The following AIRE variants were observed in gnomAD, a reference collection of about 807,000 sequenced individuals.
The protein encoded by AIRE is autoimmune regulator.
In AIRE, 52 loss-of-function variants were observed where a neutral mutation model predicts 62.1. The ratio of observed to expected loss-of-function variants is 0.84; its 90% CI spans 0.67 to 1.06. The LOEUF (loss-of-function observed/expected upper bound fraction) is 1.06. Ranked by LOEUF, AIRE falls within the 50% of genes least tolerant of loss-of-function variation. AIRE has a pLI of 0.00. For missense variants in AIRE, 774 were observed against 755.8 expected (o/e 1.02, Z -0.28); for synonymous variants, 342 against 321.6 (o/e 1.06, Z -0.68).
At chr21:44,296,262 G>GA (rs1444765965) in intron 12 of AIRE, 121 bp from the exon 13 acceptor site, 6 of 935,014 alleles carry the variant, frequency 6.4e-6, no homozygotes, top group Non-Finnish European at 1.1e-5. Flanking sequence ...GTGGAGCTGG[G>GA]TGTAAGAATT....
chr21:44,287,006 G>A lies in AIRE; in HGVS notation c.336G>A (p.Gly112=). 6.2e-7 allele frequency: 1 copy of A among 1,612,780 alleles called. No homozygotes were observed. Among genetic ancestry groups the A allele is most frequent in the Non-Finnish European group, 8.5e-7 (1 of 1,179,984 alleles). The part of the protein sequence containing the change: ...KDVDLSQPRK[G]RKPPAVPKAL... The stretch of plus-strand genomic sequence containing the variant: ...TGGACCTCAGCCAGCCCCGGAAGGG[G>A]AGGAAGCCCCCGGCCGTCCCCAAGG... The change falls in exon 3 of 14, where the codon GGG becomes GGA. Residue 112 remains glycine, a synonymous_variant. Transcript: ENST00000291582. The surrounding 1 kb of genome is among the most constrained non-coding windows in gnomAD (Gnocchi z 4.3).
In AIRE at chr21:44,286,581, G is replaced by T. The variant is rs1057516272; in HGVS notation, c.157G>T (p.Glu53Ter). 1 of 1,611,172 alleles carries T rather than the reference G, an allele frequency of 6.2e-7. No homozygotes were observed. Among genetic ancestry groups the T allele is most frequent in the Non-Finnish European group, 8.5e-7 (1 of 1,179,034 alleles). ...FQETLHLKEKEGCPQAFHALL... is the reference protein window; with the variant it reads ...FQETLHLKEK The stretch of plus-strand genomic sequence containing the variant: ...GGAGACGCTTCATCTGAAGGAAAAG[G>T]AGGGCTGCCCCCAGGCCTTCCACGC... The change falls in exon 2 of 14, where the codon GAG becomes TAG. Residue 53 changes from glutamate to a stop codon, truncating the protein, a stop_gained. Coordinates refer to ENST00000291582, the MANE Select transcript of AIRE (RefSeq NM_000383.4). LOFTEE classifies it high-confidence loss of function. The surrounding 1 kb of genome is among the most constrained non-coding windows in gnomAD (Gnocchi z 6.0).
At chr21:44,296,999 G>A (rs1196142194) in intron 13 of AIRE, among the ~76,000 whole-genome samples, 1 of 152,252 alleles carries the variant, frequency 6.6e-6, no homozygotes, top group Non-Finnish European at 1.5e-5. Flanking sequence ...TCTCCTCAGT[G>A]TCTGATGTGG....
rs1011914481 is a variant in AIRE, at chr21:44,297,135, C to A, written c.1567-521C>A. 6.6e-6 allele frequency among the ~76,000 whole-genome samples: 1 copy of A among 152,296 alleles called. No homozygotes were observed. The highest frequency in any genetic ancestry group is 3.4e-3 in the Middle Eastern group (1 of 294). ...CCTGAGAGTGGGCCAGGGGGCCCAGCGCTGGGTAATGGAGCTGCCCCTCTG... is the reference window on the plus strand; with the variant it reads ...CCTGAGAGTGGGCCAGGGGGCCCAGAGCTGGGTAATGGAGCTGCCCCTCTG... On this transcript the variant is annotated intron_variant, in intron 13 of 13. Transcript: ENST00000291582. This position sits in a 1 kb window ranked among gnomAD's most constrained non-coding sequence, Gnocchi z 4.8.
In AIRE at chr21:44,297,614, G is replaced by A. The variant is rs3746966; in HGVS notation, c.1567-42G>A. 2.9e-4 allele frequency: 449 copies of A among 1,523,672 alleles called. 6 individuals are homozygous for A. In the East Asian group the frequency reaches 9.3e-3, roughly 32 times the overall value. 94.4% of individuals were successfully genotyped at this position (1,523,672 alleles called of 1,614,324 possible). A position where few individuals can be genotyped will look rare whatever the true frequency, so the allele number is the denominator to read the frequency against. ...ATGGCCATGATTCTGTGGCTGCGGC[G>A]GGGGCGCACCTGGAGGTTCTCACCG... On this transcript the variant is annotated intron_variant, in intron 13 of 13. Transcript: ENST00000291582. The surrounding 1 kb of genome is among the most constrained non-coding windows in gnomAD (Gnocchi z 4.8).
In AIRE at chr21:44,295,991, C is replaced by T. The variant is rs116482131; in HGVS notation, c.1504-392C>T. ...CCTGGGGACCTTCTCCCACTCTGGT[C>T]GCTCACCTATAGTGTGGGCTGGCCC... is the stretch of plus-strand genomic sequence containing the variant. On this transcript the variant is annotated intron_variant, in intron 12 of 13. Transcript: ENST00000291582. 8.6e-3 allele frequency among the ~76,000 whole-genome samples: 1,307 copies of T among 152,282 alleles called. 22 individuals carry two copies. The highest frequency in any genetic ancestry group is 0.029 in the African/African-American group (1,221 of 41,542).
Position 44,286,146 on chromosome 21 carries a change from C to T in AIRE, c.132+8C>T. The T allele has an allele frequency of 6.5e-7, 1 of 1,544,470 alleles. No homozygotes were observed. The highest frequency in any genetic ancestry group is 8.7e-7 in the Non-Finnish European group (1 of 1,145,420). On this transcript the variant is annotated splice_region_variant and intron_variant, in intron 1 of 13. Coordinates refer to ENST00000291582, the MANE Select transcript of AIRE (RefSeq NM_000383.4). The surrounding 1 kb of genome is among the most constrained non-coding windows in gnomAD (Gnocchi z 6.0). ...CCCGAGGACAAGTTTCAGGTGGGCT[C>T]CCCGCCCGCCCCCCGCTGCCCCCAG...
chr21:44,290,167 C>A, intron 7 of AIRE, 99 bp downstream of exon 7: 1 of 1,540,212 alleles, frequency 6.5e-7, no homozygotes, highest in South Asian at 1.2e-5. Context: ...GGGATGAGCA[C>A]CGGGGCCTGA....
At position 44,291,634 on chromosome 21, in the gene AIRE, C is replaced by T. The variant is rs534788373; in HGVS notation, c.995+424C>T. Among the ~76,000 whole-genome samples the T allele has an allele frequency of 1.1e-4, 17 of 152,252 alleles. No individual in the cohort carries two copies. In the East Asian group the frequency reaches 3.3e-3, roughly 29 times the overall value. The stretch of plus-strand genomic sequence containing the variant: ...GCAGGTGGGAGTTTGTCCACCAATG[C>T]ACAGGACGCCGGGCTTAGTGGGGGC... On this transcript the variant is annotated intron_variant, in intron 8 of 13. Coordinates refer to ENST00000291582, the MANE Select transcript of AIRE (RefSeq NM_000383.4).
Position 44,291,851 on chromosome 21 carries a change from C to T in AIRE, c.996-451C>T, listed in dbSNP as rs565329107. Among the ~76,000 whole-genome samples the T allele has an allele frequency of 1.3e-3, 193 of 152,282 alleles. 1 individual carries two copies. Among genetic ancestry groups the T allele is most frequent in the African/African-American group, 4.6e-3 (190 of 41,558 alleles). On this transcript the variant is annotated intron_variant, in intron 8 of 13. Transcript: ENST00000291582. ...CATCAGGCCCCCTCTCAGCCTTGTG[C>T]CTCATCACTAGAATAAGGGGCACAG...
intron 5 of AIRE, chr21:44,289,349 GT>G (rs954994685): frequency 2.8e-5 from 12 of 428,610 alleles, no homozygotes; most frequent in Non-Finnish European, 5.1e-5. Flanking sequence ...AAGGACACCA[GT>G]CATTGAACTT....
chr21:44,285,921 C>T lies in AIRE; in HGVS notation c.-86C>T, dbSNP rs988554145. 5.0e-5 allele frequency: 69 copies of T among 1,374,702 alleles called. No homozygotes were observed. In the East Asian group the frequency reaches 1.8e-3, roughly 37 times the overall value. The allele number at this position is 1,374,702 out of a possible 1,614,324, so 85.2% of individuals were successfully genotyped here. A position where few individuals can be genotyped will look rare whatever the true frequency, so the allele number is the denominator to read the frequency against. On this transcript the variant is annotated 5_prime_UTR_variant, in exon 1 of 14. Coordinates refer to ENST00000291582, the MANE Select transcript of AIRE (RefSeq NM_000383.4). ...AGCCGGCGCGGAGGCCCCACAGCCC[C>T]GCCGGGACCCGAGGCCAAGCGAGGG...
In AIRE at chr21:44,293,724, C is replaced by A. The variant is rs561345329; in HGVS notation, c.1279-65C>A. ...GTCCCAGGGGAGAGCGCACAGGGCT[C>A]GGGTTCGGGTTCAGCTACATTTCCC... On this transcript the variant is annotated intron_variant, in intron 10 of 13. Transcript: ENST00000291582. 4 of 1,591,480 alleles carry A rather than the reference C, an allele frequency of 2.5e-6. No homozygotes were observed. In the East Asian group the frequency reaches 9.0e-5, roughly 36 times the overall value.
At chr21:44,288,488 A>T (rs2040504216) in intron 5 of AIRE, 30 bp downstream of exon 5, 1 of 1,484,192 alleles carries the variant, frequency 6.7e-7, no homozygotes, top group African/African-American at 1.4e-5. Context: ...GATGGGGCTG[A>T]TGGGGAGACC....
At chr21:44,291,361 G>A (rs2146381243) in intron 8 of AIRE, 151 bp downstream of exon 8, 1 of 1,339,416 alleles carries the variant, frequency 7.5e-7, no homozygotes, top group Non-Finnish European at 1.0e-6. Context: ...GCCGGGGCCT[G>A]GGGTTTTCCC....
At position 44,294,433 on chromosome 21, in the gene AIRE, A is replaced by ACGTGAC. The variant is rs1344234129; in HGVS notation, c.1435_1440dup (p.Val479_Thr480dup). On this transcript the variant is annotated inframe_insertion, in exon 12 of 14. Coordinates refer to ENST00000291582, the MANE Select transcript of AIRE (RefSeq NM_000383.4). ...CTGCGCTGCAGATCCTGCTCAGGAG[A>ACGTGAC]CGTGACCCCAGCCCCTGTGGAGGGG... 17 of 1,575,562 alleles carry ACGTGAC rather than the reference A, an allele frequency of 1.1e-5. No homozygotes were observed. Among genetic ancestry groups the ACGTGAC allele is most frequent in the Non-Finnish European group, 1.5e-5 (17 of 1,168,700 alleles).
intron 5 of AIRE, 35 bp from the exon 6 acceptor site, chr21:44,289,622 C>T (rs768530596): frequency 4.3e-5 from 69 of 1,611,626 alleles, no homozygotes; most frequent in Non-Finnish European, 5.0e-5. Flanking sequence ...TCCTGCTGGG[C>T]GGGTGAGCCA....
At chr21:44,289,270 G>A (rs2075876) in intron 5 of AIRE, 40,376 of 240,530 alleles carry the variant, frequency 0.17, 4,716 homozygotes, top group East Asian at 0.36. Context: ...CTTGTTCCTG[G>A]GCTCAGGACC....
At chr21:44,293,271 G>A in intron 10 of AIRE, 96 bp downstream of exon 10, 4 of 1,328,166 alleles carry the variant, frequency 3.0e-6, no homozygotes, top group Non-Finnish European at 4.0e-6. Flanking sequence ...GGGAGGCCAG[G>A]CGAGAAAGGC....
Sources: allele counts gnomAD v4.1 joint callset (sites outside exome capture counted in the v4.1 genomes callset), GRCh38; gene constraint gnomAD v4.1.1; non-coding constraint Gnocchi (gnomAD v3.1); transcripts MANE v1.5; gene names NCBI Gene and HGNC (gene_info 2026-07-23, HGNC 2026-07-21).